ASPRV1: variants seen among roughly 807,000 people sequenced by gnomAD.
The protein encoded by ASPRV1 is aspartic peptidase retroviral like 1, also known as retroviral-like aspartic protease 1.
A neutral mutation model predicts 11.0 loss-of-function variants in ASPRV1; 7 were observed. That is an observed-to-expected ratio of 0.64 (90% CI 0.36 to 1.20). The LOEUF is 1.20. Among genes scored for constraint, ASPRV1 ranks in the 50% most tolerant of loss-of-function variants. The pLI is 0.02. For missense variants in ASPRV1, 299 were observed against 320.0 expected (o/e 0.93, Z 0.50); for synonymous variants, 136 against 138.4 (o/e 0.98, Z 0.12).
At chr2:70,070,179 C>CAAAAAAAAAAAAAAAAA in the ASPRV1 span, 1 of 47,114 alleles carries the variant, frequency 2.1e-5, no homozygotes, top group Non-Finnish European at 3.9e-5. Context: ...GACTCCATCT[C>CAAAAAAAAAAAAAAAAA]AAAAAAAAAA....
the ASPRV1 span, among the ~76,000 whole-genome samples, chr2:70,063,382 A>G: frequency 6.6e-6 from 1 of 152,298 alleles, no homozygotes; most frequent in East Asian, 1.9e-4. Flanking sequence ...CCCGTACTAT[A>G]TTCTACAGAA....
chr2:70,020,801 GC>G, the ASPRV1 span, among the ~76,000 whole-genome samples: 4 of 152,080 alleles, frequency 2.6e-5, no homozygotes, highest in East Asian at 1.9e-4. Flanking sequence ...TACTTGGGGT[GC>G]CTAATCAGAT....
the ASPRV1 span, among the ~76,000 whole-genome samples, chr2:70,074,596 A>G: frequency 6.6e-6 from 1 of 151,744 alleles, no homozygotes; most frequent in Non-Finnish European, 1.5e-5. Flanking sequence ...TGTTTAATGA[A>G]TAAGGACCAT....
At chr2:69,935,365 G>A in the ASPRV1 span, 2 of 1,613,494 alleles carry the variant, frequency 1.2e-6, no homozygotes, top group Non-Finnish European at 1.7e-6. Flanking sequence ...GCTCATCTTC[G>A]CTTGTGCCTG....
chr2:70,005,825 A>T, the ASPRV1 span, among the ~76,000 whole-genome samples: 1 of 152,156 alleles, frequency 6.6e-6, no homozygotes, highest in African/African-American at 2.4e-5. Context: ...CATTGTTTAT[A>T]AAAAGCTTTT....
the ASPRV1 span, among the ~76,000 whole-genome samples, chr2:70,027,259 C>CAA: frequency 0.047 from 2,265 of 48,348 alleles, 94 homozygotes; most frequent in Non-Finnish European, 0.055. Context: ...CCCTGTCTCT[C>CAA]AAAAAAAAAA....
chr2:69,982,042 TCCATCCATCC>T, the ASPRV1 span, among the ~76,000 whole-genome samples: 1 of 43,456 alleles, frequency 2.3e-5, no homozygotes, highest in Non-Finnish European at 3.7e-5. Context: ...CATCTATCCA[TCCATCCATCC>T]ATCCATCCAT....
chr2:69,965,185 T>C (rs1313542661), upstream of ASPRV1, among the ~76,000 whole-genome samples: 1 of 152,128 alleles, frequency 6.6e-6, no homozygotes, highest in Non-Finnish European at 1.5e-5. Flanking sequence ...GTAGCTGGGA[T>C]TACACCACCA....
the ASPRV1 span, among the ~76,000 whole-genome samples, chr2:70,038,591 G>GA: frequency 0.23 from 34,407 of 151,626 alleles, 6,912 homozygotes; most frequent in African/African-American, 0.51. Flanking sequence ...TCTCAAGGGG[G>GA]AAAAAAAAGC....
the ASPRV1 span, among the ~76,000 whole-genome samples, chr2:70,021,765 C>T: frequency 6.6e-6 from 1 of 151,164 alleles, no homozygotes. Context: ...TGAGGTGGCA[C>T]GATCTCGGCT....
chr2:69,936,482 T>C, the ASPRV1 span, among the ~76,000 whole-genome samples: 5 of 152,326 alleles, frequency 3.3e-5, no homozygotes, highest in South Asian at 1.0e-3. Flanking sequence ...CCAAAATCCC[T>C]GTTTAGCATG....
chr2:69,950,888 T>TAAATAAAA, the ASPRV1 span, among the ~76,000 whole-genome samples: 4 of 137,132 alleles, frequency 2.9e-5, no homozygotes, highest in African/African-American at 1.1e-4. Context: ...AATAAATAAA[T>TAAATAAAA]AATAAAAAAT....
the ASPRV1 span, among the ~76,000 whole-genome samples, chr2:69,970,601 C>T: frequency 6.6e-6 from 1 of 152,174 alleles, no homozygotes; most frequent in Non-Finnish European, 1.5e-5. Flanking sequence ...CCCTAGCAAA[C>T]TCAGGGTCTC....
the ASPRV1 span, among the ~76,000 whole-genome samples, chr2:70,043,045 G>T: frequency 2.0e-5 from 3 of 152,170 alleles, no homozygotes; most frequent in East Asian, 1.9e-4. Context: ...GCCCTTGGGG[G>T]AGAAAACGCT....
chr2:70,073,056 G>A, the ASPRV1 span: 1 of 152,114 alleles, frequency 6.6e-6, no homozygotes, highest in South Asian at 2.1e-4. Flanking sequence ...GTGTGACAGA[G>A]CAAGACCCTA....
At chr2:69,993,399 T>C in the ASPRV1 span, 2 of 152,310 alleles carry the variant, frequency 1.3e-5, no homozygotes, top group African/African-American at 4.8e-5. Context: ...GGAAAGGATT[T>C]ATTCACAAAC....
chr2:69,959,597 C>T (rs183508280), downstream of ASPRV1, among the ~76,000 whole-genome samples: 951 of 152,206 alleles, frequency 6.2e-3, 6 homozygotes, highest in African/African-American at 0.022. Context: ...CTCCCACCGC[C>T]GGGACCCTGC....
the ASPRV1 span, among the ~76,000 whole-genome samples, chr2:70,041,117 A>G: frequency 6.6e-6 from 1 of 152,186 alleles, no homozygotes; most frequent in Admixed American, 6.5e-5. Flanking sequence ...GTCCATCCAT[A>G]TTTAAGGTCA....
chr2:70,084,558 TTG>T, the ASPRV1 span, among the ~76,000 whole-genome samples: 1 of 152,254 alleles, frequency 6.6e-6, no homozygotes, highest in African/African-American at 2.4e-5. Flanking sequence ...TCAGGAGGTT[TTG>T]TGAGGATTAA....
Sources: gnomAD v4.1 joint callset for allele counts (sites outside exome capture counted in the v4.1 genomes callset) on GRCh38, gnomAD v4.1.1 for gene constraint, MANE v1.5 for transcripts, NCBI Gene and HGNC (gene_info 2026-07-23, HGNC 2026-07-21) for gene names.